HPSE2: variants seen among roughly 807,000 people sequenced by gnomAD.
The protein encoded by HPSE2 is inactive heparanase-2.
A neutral mutation model predicts 60.5 loss-of-function variants in HPSE2; 38 were observed. The ratio of observed to expected loss-of-function variants is 0.63; its 90% CI spans 0.48 to 0.82. The LOEUF is 0.82. Among genes scored for constraint, HPSE2 ranks in the 40% least tolerant of loss-of-function variants. HPSE2 has a pLI of 0.00. For missense variants in HPSE2, 713 were observed against 740.4 expected (o/e 0.96, Z 0.43); for synonymous variants, 295 against 293.2 (o/e 1.01, Z -0.06).
chr10:98,771,021 G>C (rs1195330086), intron 3 of HPSE2, among the ~76,000 whole-genome samples: 1 of 152,120 alleles, frequency 6.6e-6, no homozygotes, highest in Non-Finnish European at 1.5e-5. Context: ...GACATGAGGA[G>C]AAAATATCTA....
At chr10:99,309,152 T>A in the HPSE2 span, among the ~76,000 whole-genome samples, 5 of 152,066 alleles carry the variant, frequency 3.3e-5, no homozygotes, top group Admixed American at 6.5e-5. Context: ...AGAAAGTAGA[T>A]GTGTAGTTGC....
At chr10:99,217,338 C>A (rs953419643) in intron 2 of HPSE2, among the ~76,000 whole-genome samples, 129 of 151,798 alleles carry the variant, frequency 8.5e-4, no homozygotes, top group African/African-American at 2.9e-3. Context: ...TTCAAATGCA[C>A]ATTAAAACTT....
At chr10:98,869,498 T>G (rs1952677423) in intron 3 of HPSE2, among the ~76,000 whole-genome samples, 1 of 152,138 alleles carries the variant, frequency 6.6e-6, no homozygotes, top group African/African-American at 2.4e-5. Context: ...GACCTTTATG[T>G]TATGGCCTCA....
At chr10:98,975,252 T>G (rs1399998084) in intron 3 of HPSE2, among the ~76,000 whole-genome samples, 1 of 151,818 alleles carries the variant, frequency 6.6e-6, no homozygotes, top group Non-Finnish European at 1.5e-5. Context: ...CTGTTGGATG[T>G]CTACAAAGTA....
intron 9 of HPSE2, among the ~76,000 whole-genome samples, chr10:98,577,948 T>A (rs1944687584): frequency 6.6e-6 from 1 of 152,246 alleles, no homozygotes; most frequent in South Asian, 2.1e-4. Context: ...TTTCATTATT[T>A]GATAAGATTG....
At chr10:99,294,760 C>T in the HPSE2 span, among the ~76,000 whole-genome samples, 1 of 151,864 alleles carries the variant, frequency 6.6e-6, no homozygotes, top group Admixed American at 6.6e-5. Context: ...ATAGTGCAAC[C>T]CTGTCTCTAC....
At chr10:98,476,802 C>A (rs1402208074) in intron 11 of HPSE2, among the ~76,000 whole-genome samples, 1 of 151,622 alleles carries the variant, frequency 6.6e-6, no homozygotes, top group Non-Finnish European at 1.5e-5. Flanking sequence ...AAAAAAGGGG[C>A]GGGACGGTCT....
Position 98,848,831 on chromosome 10 carries a change from T to C in HPSE2, c.611-104775A>G, listed in dbSNP as rs542879698. Among the ~76,000 whole-genome samples, 45 of 152,322 alleles carry C rather than the reference T, an allele frequency of 3.0e-4. 1 individual carries two copies. The East Asian group carries it at 4.4e-3, about 15-fold the overall frequency. On this transcript the variant is annotated intron_variant, in intron 3 of 11. Transcript: ENST00000370552. ...AGAATTTTCCTACACCTTCTCTTTTTCCTTTAACTTCTGTGCTCCCTTCTG... is the reference window on the plus strand; with the variant it reads ...AGAATTTTCCTACACCTTCTCTTTTCCCTTTAACTTCTGTGCTCCCTTCTG...
At chr10:99,146,251 A>C (rs1846048196) in intron 2 of HPSE2, among the ~76,000 whole-genome samples, 1 of 152,236 alleles carries the variant, frequency 6.6e-6, no homozygotes, top group Non-Finnish European at 1.5e-5. Flanking sequence ...AATGGCAGAC[A>C]TTGTTGACTG....
chr10:98,628,314 T>A (rs916964431), intron 7 of HPSE2, among the ~76,000 whole-genome samples: 9 of 151,828 alleles, frequency 5.9e-5, no homozygotes, highest in African/African-American at 2.2e-4. Flanking sequence ...GAGAAAAAAA[T>A]TAGGAGAAAC....
intron 3 of HPSE2, among the ~76,000 whole-genome samples, chr10:98,837,892 C>G: frequency 6.6e-6 from 1 of 150,776 alleles, no homozygotes; most frequent in East Asian, 1.9e-4. Context: ...AAAAAGAAAC[C>G]TCCAAGTATA....
At chr10:99,105,432 T>C (rs1419304592) in intron 3 of HPSE2, among the ~76,000 whole-genome samples, 1 of 133,632 alleles carries the variant, frequency 7.5e-6, no homozygotes, top group Non-Finnish European at 1.8e-5. Context: ...AATCAGGTTA[T>C]TTTTTTTTTC....
intron 11 of HPSE2, among the ~76,000 whole-genome samples, chr10:98,471,368 G>C (rs369601712): frequency 3.9e-4 from 59 of 152,270 alleles, no homozygotes; most frequent in African/African-American, 1.4e-3. Context: ...AAGCTCCCCA[G>C]GTAGTTGGAA....
intron 3 of HPSE2, among the ~76,000 whole-genome samples, chr10:99,109,415 C>T (rs1162340293): frequency 6.6e-6 from 1 of 151,784 alleles, no homozygotes; most frequent in African/African-American, 2.4e-5. Context: ...GAATTATTGC[C>T]TAGAGTACTA....
chr10:98,586,851 G>A (rs1944953989), intron 9 of HPSE2, among the ~76,000 whole-genome samples: 1 of 152,160 alleles, frequency 6.6e-6, no homozygotes, highest in South Asian at 2.1e-4. Flanking sequence ...TCCACACTTT[G>A]GGAAACATTG....
At chr10:98,591,184 G>C (rs1007067280) in intron 9 of HPSE2, among the ~76,000 whole-genome samples, 1 of 152,114 alleles carries the variant, frequency 6.6e-6, no homozygotes, top group African/African-American at 2.4e-5. Context: ...TATCATTTCT[G>C]TGCTCCAATT....
At chr10:98,517,045 A>T (rs12256407) in intron 9 of HPSE2, among the ~76,000 whole-genome samples, 4,145 of 152,204 alleles carry the variant, frequency 0.027, 77 homozygotes, top group Middle Eastern at 0.044. Context: ...GGTTATTTTT[A>T]TCCAGGAAAA....
At chr10:98,577,070 A>C (rs954986053) in intron 9 of HPSE2, among the ~76,000 whole-genome samples, 4 of 151,498 alleles carry the variant, frequency 2.6e-5, no homozygotes, top group Non-Finnish European at 5.9e-5. Flanking sequence ...TCTTCTGTTC[A>C]CTTCTGCAAC....
chr10:98,662,327 T>C (rs1589596589), intron 6 of HPSE2, among the ~76,000 whole-genome samples: 4 of 152,314 alleles, frequency 2.6e-5, no homozygotes, highest in Admixed American at 2.0e-4. Flanking sequence ...TGAACATACA[T>C]GAATTAATCT....
Sources: allele counts gnomAD v4.1 joint callset (sites outside exome capture counted in the v4.1 genomes callset), GRCh38; gene constraint gnomAD v4.1.1; transcripts MANE v1.5; gene names NCBI Gene and HGNC (gene_info 2026-07-23, HGNC 2026-07-21).